Variants in LRRC4C observed in about 807,000 individuals in gnomAD.
The protein encoded by LRRC4C is leucine-rich repeat-containing protein 4C.
A neutral mutation model predicts 33.6 loss-of-function variants in LRRC4C; 5 were observed. That is an observed-to-expected ratio of 0.15 (90% CI 0.08 to 0.31). The LOEUF (loss-of-function observed/expected upper bound fraction) is 0.31, where lower values mean the gene tolerates loss of function less well. Among genes scored for constraint, LRRC4C ranks in the 10% least tolerant of loss-of-function variants. The pLI, the probability that LRRC4C is intolerant of heterozygous loss-of-function variation, is 1.00. For synonymous variants in LRRC4C, 329 were observed against 302.0 expected, an observed-to-expected ratio of 1.09 and a Z score of -0.93; for missense variants, 560 against 796.7, an observed-to-expected ratio of 0.70 and a Z score of 3.58.
intron 2 of LRRC4C, among the ~76,000 whole-genome samples, chr11:40,818,035 T>C (rs1479117790): frequency 6.6e-6 from 1 of 152,106 alleles, no homozygotes; most frequent in Non-Finnish European, 1.5e-5. Flanking sequence ...CTTTATTGAG[T>C]AGTTGCCTTG....
chr11:40,363,543 A>G (rs1047885539), intron 3 of LRRC4C, among the ~76,000 whole-genome samples: 5 of 152,118 alleles, frequency 3.3e-5, no homozygotes, highest in African/African-American at 1.2e-4. Flanking sequence ...AAATCTGCAC[A>G]TGAACCCAGA....
At chr11:41,270,584 A>C (rs1949288836) in intron 1 of LRRC4C, among the ~76,000 whole-genome samples, 1 of 152,066 alleles carries the variant, frequency 6.6e-6, no homozygotes, top group Non-Finnish European at 1.5e-5. Context: ...CAGTCAAAGT[A>C]AGAGAAATTG....
At chr11:40,525,212 C>T (rs896363833) in intron 3 of LRRC4C, among the ~76,000 whole-genome samples, 4 of 152,090 alleles carry the variant, frequency 2.6e-5, no homozygotes, top group African/African-American at 9.6e-5. Context: ...TTTGGGAGGT[C>T]GAGGCAGGTG....
intron 3 of LRRC4C, among the ~76,000 whole-genome samples, chr11:40,602,848 T>G (rs766043148): frequency 1.3e-5 from 2 of 152,184 alleles, no homozygotes; most frequent in Non-Finnish European, 2.9e-5. Context: ...TCACCACGTA[T>G]CTGCCTCTTA....
intron 3 of LRRC4C, among the ~76,000 whole-genome samples, chr11:40,608,827 G>A (rs1227021582): frequency 6.6e-6 from 1 of 151,992 alleles, no homozygotes; most frequent in Non-Finnish European, 1.5e-5. Context: ...TGACACAAGA[G>A]ACAGAGAAGG....
intron 1 of LRRC4C, among the ~76,000 whole-genome samples, chr11:41,416,496 A>G (rs1954686004): frequency 6.6e-6 from 1 of 152,178 alleles, no homozygotes; most frequent in East Asian, 1.9e-4. Context: ...CCGCTTCTGT[A>G]TTGATGTAGC....
At chr11:40,454,845 CT>C (rs201716121) in intron 3 of LRRC4C, among the ~76,000 whole-genome samples, 14 of 151,264 alleles carry the variant, frequency 9.3e-5, no homozygotes, top group African/African-American at 2.7e-4. Flanking sequence ...TTGAGAAAAC[CT>C]TTTTTTTTAA....
intron 3 of LRRC4C, among the ~76,000 whole-genome samples, chr11:40,399,538 T>G: frequency 2.1e-5 from 3 of 145,970 alleles, no homozygotes; most frequent in East Asian, 2.0e-4. Flanking sequence ...TGTTGTGGGG[T>G]GGGAGGAGGG....
At chr11:41,057,821 C>A (rs144438937) in intron 1 of LRRC4C, among the ~76,000 whole-genome samples, 54 of 152,254 alleles carry the variant, frequency 3.5e-4, no homozygotes, top group African/African-American at 1.3e-3. Context: ...AAGGAGCTAC[C>A]GTCTCTGCTC....
intron 3 of LRRC4C, among the ~76,000 whole-genome samples, chr11:40,544,953 G>A (rs1591061018): frequency 6.6e-6 from 1 of 151,980 alleles, no homozygotes; most frequent in Non-Finnish European, 1.5e-5. Context: ...TATCTTCCAT[G>A]TTCCCTTTAG....
intron 1 of LRRC4C, among the ~76,000 whole-genome samples, chr11:41,390,473 T>A (rs563930504): frequency 6.6e-6 from 1 of 152,022 alleles, no homozygotes; most frequent in Admixed American, 6.6e-5. Flanking sequence ...AGGATGATTT[T>A]CTGGATCACT....
chr11:40,933,171 A>G (rs1263875355), intron 2 of LRRC4C, among the ~76,000 whole-genome samples: 3 of 152,210 alleles, frequency 2.0e-5, no homozygotes, highest in Admixed American at 1.3e-4. Flanking sequence ...GGAGTCAGAA[A>G]GTGGAATAAG....
chr11:40,388,046 C>A (rs750009992), intron 3 of LRRC4C, among the ~76,000 whole-genome samples: 3 of 151,994 alleles, frequency 2.0e-5, no homozygotes, highest in Non-Finnish European at 2.9e-5. Flanking sequence ...CCTCCTCAAC[C>A]CTTGATCTGA....
intron 3 of LRRC4C, among the ~76,000 whole-genome samples, chr11:40,633,249 C>G (rs967920466): frequency 2.6e-5 from 4 of 152,088 alleles, no homozygotes; most frequent in African/African-American, 9.7e-5. Flanking sequence ...CAGACACACA[C>G]ATGCACACAC....
At chr11:40,858,931 G>A (rs1315328755) in intron 2 of LRRC4C, among the ~76,000 whole-genome samples, 1 of 151,990 alleles carries the variant, frequency 6.6e-6, no homozygotes. Flanking sequence ...TTGCCAAATA[G>A]ACAAAAACTG....
intron 1 of LRRC4C, among the ~76,000 whole-genome samples, chr11:41,086,951 C>A (rs868296404): frequency 6.6e-6 from 1 of 151,102 alleles, no homozygotes; most frequent in African/African-American, 2.4e-5. Context: ...ATGTAGCATG[C>A]AATTTTTAAG....
chr11:41,161,435 C>T (rs977470963), intron 1 of LRRC4C, among the ~76,000 whole-genome samples: 3 of 152,160 alleles, frequency 2.0e-5, no homozygotes, highest in Admixed American at 2.0e-4. Flanking sequence ...CTCTTAAGTG[C>T]ATACTATTAA....
intron 1 of LRRC4C, among the ~76,000 whole-genome samples, chr11:41,277,462 T>G (rs982985343): frequency 6.6e-6 from 1 of 152,220 alleles, no homozygotes; most frequent in Non-Finnish European, 1.5e-5. Flanking sequence ...GGAAAATGTA[T>G]TTCCATACTG....
At chr11:40,349,654 T>C (rs1590397997) in intron 3 of LRRC4C, among the ~76,000 whole-genome samples, 2 of 152,160 alleles carry the variant, frequency 1.3e-5, no homozygotes, top group Non-Finnish European at 2.9e-5. Context: ...TCCATACTGT[T>C]ATTTATAGTG....
Sources: allele counts gnomAD v4.1 joint callset (sites outside exome capture counted in the v4.1 genomes callset), GRCh38; gene constraint gnomAD v4.1.1; transcripts MANE v1.5; gene names NCBI Gene and HGNC (gene_info 2026-07-23, HGNC 2026-07-21).